Variants in PCDH15 observed in about 807,000 individuals in gnomAD.
The protein encoded by PCDH15 is protocadherin related 15.
In PCDH15, 129 loss-of-function variants were observed where a neutral mutation model predicts 178.5. That is an observed-to-expected ratio of 0.72 (90% confidence interval 0.63 to 0.84). The LOEUF is 0.84. Among genes scored for constraint, PCDH15 ranks in the 40% least tolerant of loss-of-function variants. The pLI, the probability that PCDH15 is intolerant of heterozygous loss-of-function variation, is 0.00. For missense variants in PCDH15, 2,230 were observed against 2,099.9 expected, an observed-to-expected ratio of 1.06 and a Z score of -1.21; for synonymous variants, 800 against 732.0, an observed-to-expected ratio of 1.09 and a Z score of -1.50.
At chr10:54,547,741 T>C (rs1290927048) in intron 2 of PCDH15, among the ~76,000 whole-genome samples, 1 of 152,170 alleles carries the variant, frequency 6.6e-6, no homozygotes, top group Non-Finnish European at 1.5e-5. Context: ...AGATGCATAT[T>C]CTGGCATATC....
chr10:54,812,691 T>A (rs1052330408), intron 3 of PCDH15, among the ~76,000 whole-genome samples: 8 of 151,630 alleles, frequency 5.3e-5, no homozygotes, highest in Admixed American at 5.3e-4. Context: ...TCTCTTGACC[T>A]CATGATCCGC....
At chr10:55,584,658 C>CAAAA (rs59983365) in intron 2 of PCDH15, among the ~76,000 whole-genome samples, 28 of 72,152 alleles carry the variant, frequency 3.9e-4, no homozygotes, top group Non-Finnish European at 4.2e-4. Context: ...ACTCTGTCTC[C>CAAAA]AAAAAAAAAA....
chr10:54,333,554 C>CTT, intron 6 of PCDH15, among the ~76,000 whole-genome samples: 1 of 96,818 alleles, frequency 1.0e-5, no homozygotes, highest in Admixed American at 1.1e-4. Flanking sequence ...AAGTGTTTAC[C>CTT]TAAAAAGTTT....
intron 2 of PCDH15, among the ~76,000 whole-genome samples, chr10:54,654,003 A>G (rs1057325709): frequency 6.6e-6 from 1 of 152,198 alleles, no homozygotes; most frequent in African/African-American, 2.4e-5. Flanking sequence ...TTCAGAATCT[A>G]TTCTTTTAGT....
In PCDH15 at chr10:55,345,492, T is replaced by A. The variant is rs140291640; in HGVS notation, c.-155-178841A>T. On this transcript the variant is annotated intron_variant, in intron 2 of 5. Coordinates refer to the PCDH15 transcript ENST00000613346. ...AAAGCCCTAAGCCAGAGTTGAACTATGGCAATTCCTCCACCCTCTTGTCGG... is the reference window on the plus strand; with the variant it reads ...AAAGCCCTAAGCCAGAGTTGAACTAAGGCAATTCCTCCACCCTCTTGTCGG... Among the ~76,000 whole-genome samples, 4 of 152,096 alleles carry A rather than the reference T, an allele frequency of 2.6e-5. No individual in the cohort carries two copies. The East Asian group carries it at 7.7e-4, about 29-fold the overall frequency.
chr10:55,054,597 T>C (rs1268927248), intron 2 of PCDH15, among the ~76,000 whole-genome samples: 2 of 152,190 alleles, frequency 1.3e-5, no homozygotes, highest in East Asian at 3.8e-4. Flanking sequence ...CTTTGAGGAA[T>C]CTCCACACTA....
intron 23 of PCDH15, 31 bp downstream of exon 23, chr10:53,959,701 G>C: frequency 6.6e-7 from 1 of 1,509,018 alleles, no homozygotes. Context: ...TAAACATTTC[G>C]TGTATTTCAA....
At chr10:55,572,077 T>C (rs1213013190) in intron 2 of PCDH15, among the ~76,000 whole-genome samples, 1 of 152,108 alleles carries the variant, frequency 6.6e-6, no homozygotes, top group Admixed American at 6.6e-5. Context: ...AGACAAATAC[T>C]TGGCTCTGTG....
chr10:54,919,864 G>C (rs1376445450), intron 2 of PCDH15, among the ~76,000 whole-genome samples: 2 of 151,636 alleles, frequency 1.3e-5, no homozygotes, highest in Admixed American at 6.6e-5. Context: ...GGATACCACT[G>C]AAATGCTCAT....
chr10:53,917,995 C>T (rs11003930), intron 25 of PCDH15, among the ~76,000 whole-genome samples: 6 of 152,080 alleles, frequency 3.9e-5, no homozygotes, highest in Admixed American at 1.3e-4. Flanking sequence ...TCCTGAGGCC[C>T]TCATCAAGAG....
chr10:54,211,248 G>A (rs1341799370), intron 10 of PCDH15, among the ~76,000 whole-genome samples: 8 of 152,048 alleles, frequency 5.3e-5, no homozygotes, highest in Admixed American at 1.3e-4. Flanking sequence ...ATTTAAAAGA[G>A]CAACAGAGGT....
intron 1 of PCDH15, among the ~76,000 whole-genome samples, chr10:54,750,984 T>G (rs1946149633): frequency 6.6e-6 from 1 of 152,112 alleles, no homozygotes; most frequent in Admixed American, 6.5e-5. Context: ...ATAAACAATT[T>G]ATGGCTTTCT....
At chr10:55,123,630 G>A (rs1837826441) in intron 2 of PCDH15, among the ~76,000 whole-genome samples, 1 of 152,112 alleles carries the variant, frequency 6.6e-6, no homozygotes, top group African/African-American at 2.4e-5. Flanking sequence ...TGTGAGATGG[G>A]AAGCTAAGCA....
intron 2 of PCDH15, among the ~76,000 whole-genome samples, chr10:55,006,283 G>A (rs952322014): frequency 2.0e-5 from 3 of 151,812 alleles, no homozygotes; most frequent in African/African-American, 7.3e-5. Context: ...GCCAACCCCA[G>A]CCTTCGGTTA....
At chr10:54,679,517 T>C (rs2094861068) in intron 1 of PCDH15, among the ~76,000 whole-genome samples, 1 of 152,210 alleles carries the variant, frequency 6.6e-6, no homozygotes, top group Non-Finnish European at 1.5e-5. Context: ...TCATCCACTA[T>C]CTTCCACTAA....
intron 7 of PCDH15, among the ~76,000 whole-genome samples, chr10:54,324,330 A>G (rs1311451235): frequency 6.6e-6 from 1 of 152,136 alleles, no homozygotes. Flanking sequence ...AAATAGTAAT[A>G]TTATAATTTT....
At chr10:54,605,098 C>T (rs7919891) in intron 2 of PCDH15, among the ~76,000 whole-genome samples, 73,956 of 151,498 alleles carry the variant, frequency 0.49, 18,846 homozygotes, top group East Asian at 0.79. Context: ...ACATGTGTAT[C>T]TATTAATGTA....
At chr10:55,622,837 C>T (rs747910498) in intron 2 of PCDH15, among the ~76,000 whole-genome samples, 6 of 152,082 alleles carry the variant, frequency 3.9e-5, no homozygotes, top group African/African-American at 7.2e-5. Flanking sequence ...AAATAAAATA[C>T]GGGCTGGACC....
chr10:54,102,665 G>A (rs961938527), intron 15 of PCDH15, among the ~76,000 whole-genome samples: 4 of 152,136 alleles, frequency 2.6e-5, no homozygotes, highest in African/African-American at 9.7e-5. Context: ...AGCTCTAATG[G>A]CTTCCATTTG....
Sources: gnomAD v4.1 joint callset for allele counts (sites outside exome capture counted in the v4.1 genomes callset) on GRCh38, gnomAD v4.1.1 for gene constraint, MANE v1.5 for transcripts, NCBI Gene and HGNC (gene_info 2026-07-23, HGNC 2026-07-21) for gene names.